The following RBFOX3 variants were observed in gnomAD, a reference collection of about 807,000 sequenced individuals.
The protein encoded by RBFOX3 is RNA binding protein fox-1 homolog 3.
In RBFOX3, 17 loss-of-function variants were observed where a neutral mutation model predicts 48.7. That is an observed-to-expected ratio of 0.35 (90% confidence interval 0.24 to 0.52). The LOEUF (loss-of-function observed/expected upper bound fraction) is 0.52, where lower values mean the gene tolerates loss of function less well. Among genes scored for constraint, RBFOX3 ranks in the 20% least tolerant of loss-of-function variants. RBFOX3 has a pLI of 0.94. For missense variants in RBFOX3, 382 were observed against 497.5 expected (o/e 0.77, Z 2.21); for synonymous variants, 212 against 209.5 (o/e 1.01, Z -0.10).
At chr17:79,184,087 C>G (rs2052869384) in intron 4 of RBFOX3, among the ~76,000 whole-genome samples, 1 of 148,636 alleles carries the variant, frequency 6.7e-6, no homozygotes, top group African/African-American at 2.5e-5. Flanking sequence ...TAAGGGAGGC[C>G]GGCTCAGTGG....
intron 14 of RBFOX3, 101 bp from the exon 15 acceptor site, chr17:79,090,986 T>C: frequency 8.7e-7 from 1 of 1,147,738 alleles, no homozygotes; most frequent in East Asian, 2.7e-5. Flanking sequence ...TGGCCTAAAG[T>C]CCTGGCGCCG....
intron 4 of RBFOX3, among the ~76,000 whole-genome samples, chr17:79,154,095 A>G (rs1477098195): frequency 1.3e-5 from 2 of 152,052 alleles, no homozygotes; most frequent in South Asian, 2.1e-4. Context: ...CCGGCCCCCA[A>G]GGCTCTGCTG....
chr17:79,094,547 A>C lies in RBFOX3; in HGVS notation c.999-18T>G. 6.5e-6 allele frequency: 1 copy of C among 153,470 alleles called. No individual in the cohort carries two copies. Among genetic ancestry groups the C allele is most frequent in the Non-Finnish European group, 8.9e-6 (1 of 112,732 alleles). 9.5% of individuals were successfully genotyped at this position (153,470 alleles called of 1,614,324 possible). On this transcript the variant is annotated intron_variant, in intron 13 of 14. Transcript: ENST00000693108. ...TGCCGTAACTAGGGAAGAGCGTGGG[A>C]GGGGGAGTGGGAGGAGGGTGGGGGA... is the stretch of plus-strand genomic sequence containing the variant.
chr17:79,491,110 A>G (rs1598917853), intron 1 of RBFOX3, among the ~76,000 whole-genome samples: 1 of 1,264 alleles, frequency 7.9e-4, no homozygotes, highest in Non-Finnish European at 1.3e-3. Context: ...AGGGGAGGAG[A>G]GGGGAGGGGA....
chr17:79,425,340 T>C (rs10445223), intron 2 of RBFOX3, among the ~76,000 whole-genome samples: 76,559 of 151,986 alleles, frequency 0.5, 19,405 homozygotes, highest in Non-Finnish European at 0.53. Flanking sequence ...GGGGAGGGCC[T>C]GGGGGGGCTT....
rs1165413452 is a variant in RBFOX3, at chr17:79,138,961, T to C, written c.-33-23213A>G. ...TTCACACCCCCCTCAGCCCCACACATGCACACAGCACATGCGTTCACACCC... is the reference window on the plus strand; with the variant it reads ...TTCACACCCCCCTCAGCCCCACACACGCACACAGCACATGCGTTCACACCC... On this transcript the variant is annotated intron_variant, in intron 4 of 14. Coordinates refer to ENST00000693108, the MANE Select transcript of RBFOX3 (RefSeq NM_001350451.2). Among the ~76,000 whole-genome samples, 358 of 63,608 alleles carry C rather than the reference T, an allele frequency of 5.6e-3. 1 individual carries two copies. Among genetic ancestry groups the C allele is most frequent in the African/African-American group, 0.022 (338 of 15,716 alleles). 41.7% of individuals were successfully genotyped at this position (63,608 alleles called of 152,430 possible).
chr17:79,389,620 C>T (rs939976011), intron 2 of RBFOX3, among the ~76,000 whole-genome samples: 2 of 152,240 alleles, frequency 1.3e-5, no homozygotes, highest in African/African-American at 4.8e-5. Flanking sequence ...CTTACCGACA[C>T]ATGACACATG....
chr17:79,288,654 A>G (rs1306655372), intron 3 of RBFOX3, among the ~76,000 whole-genome samples: 3 of 151,952 alleles, frequency 2.0e-5, no homozygotes, highest in Non-Finnish European at 2.9e-5. Context: ...CCCACACTCC[A>G]GCGAAATCCC....
chr17:79,439,671 T>C lies in RBFOX3; in HGVS notation c.-175+42783A>G, dbSNP rs191936972. On this transcript the variant is annotated intron_variant, in intron 2 of 14. Coordinates refer to ENST00000693108, the MANE Select transcript of RBFOX3 (RefSeq NM_001350451.2). The stretch of plus-strand genomic sequence containing the variant: ...ATGTATGTCCATGCATGTGCAAGCA[T>C]GATCGCATGTGCACACGTGCCTCTG... Among the ~76,000 whole-genome samples the C allele has an allele frequency of 1.6e-3, 244 of 152,368 alleles. 1 individual carries two copies. The highest frequency in any genetic ancestry group is 3.0e-3 in the Non-Finnish European group (203 of 68,034).
intron 1 of RBFOX3, among the ~76,000 whole-genome samples, chr17:79,498,578 C>T (rs538659083): frequency 1.3e-5 from 2 of 151,060 alleles, no homozygotes; most frequent in South Asian, 2.1e-4. Context: ...TCCTTCCCCC[C>T]ACCCCATCTA....
intron 2 of RBFOX3, among the ~76,000 whole-genome samples, chr17:79,367,850 A>G (rs1420097524): frequency 2.0e-5 from 3 of 152,184 alleles, no homozygotes; most frequent in Non-Finnish European, 4.4e-5. Context: ...CTGAAGGCAG[A>G]CACTGTGGAC....
rs144364102 is a variant in RBFOX3 at position 79,271,863 on chromosome 17, C to T, written c.-74+35861G>A. Reference sequence around the variant, plus strand: ...AGGACCTAGAGGCACAGGAGTTCCCCGGGGGCTCCCCATGGCTCCAAAGGG... The same window carrying T: ...AGGACCTAGAGGCACAGGAGTTCCCTGGGGGCTCCCCATGGCTCCAAAGGG... On this transcript the variant is annotated intron_variant, in intron 3 of 14. Coordinates refer to ENST00000693108, the MANE Select transcript of RBFOX3 (RefSeq NM_001350451.2). 1.3e-3 allele frequency among the ~76,000 whole-genome samples: 196 copies of T among 152,324 alleles called. 1 individual carries two copies. The highest frequency in any genetic ancestry group is 4.3e-3 in the African/African-American group (180 of 41,568).
chr17:79,363,841 T>A lies in RBFOX3; in HGVS notation c.-174-56017A>T, dbSNP rs2057350715. Among the ~76,000 whole-genome samples, 1 of 152,062 alleles carries A rather than the reference T, an allele frequency of 6.6e-6. No homozygotes were observed. Among genetic ancestry groups the A allele is most frequent in the Admixed American group, 6.5e-5 (1 of 15,274 alleles). ...CCCCACTCAGAACTCTCTGGGGCTG[T>A]CCACTGCACTGGGATAAAGCAGACG... On this transcript the variant is annotated intron_variant, in intron 2 of 14. Coordinates refer to ENST00000693108, the MANE Select transcript of RBFOX3 (RefSeq NM_001350451.2). The surrounding 1 kb of genome is among the most constrained non-coding windows in gnomAD (Gnocchi z 4.7).
rs1221700100 is a variant in RBFOX3, at chr17:79,204,579, C to G, written c.-34+31187G>C. On this transcript the variant is annotated intron_variant, in intron 4 of 14. Transcript: ENST00000693108. The surrounding 1 kb of genome is among the most constrained non-coding windows in gnomAD (Gnocchi z 4.5). ...GTCCGAAGGCCCCAGATGCTGTGAA[C>G]AGAGAACCCACTAGATGACTCTGTG... Among the ~76,000 whole-genome samples the G allele has an allele frequency of 6.6e-6, 1 of 152,128 alleles. No individual in the cohort carries two copies. Among genetic ancestry groups the G allele is most frequent in the Non-Finnish European group, 1.5e-5 (1 of 68,026 alleles).
chr17:79,552,706 T>C (rs2143692544), intron 1 of RBFOX3, among the ~76,000 whole-genome samples: 1 of 152,374 alleles, frequency 6.6e-6, no homozygotes, highest in Non-Finnish European at 1.5e-5. Context: ...GTAAAAAATG[T>C]TCTTCAGGAT....
chr17:79,594,801 G>T (rs2093524403), intron 1 of RBFOX3, among the ~76,000 whole-genome samples: 1 of 152,086 alleles, frequency 6.6e-6, no homozygotes, highest in Non-Finnish European at 1.5e-5. Context: ...GCCTTCCAGG[G>T]GCACCCCTGA....
At chr17:79,628,967 C>G in the RBFOX3 span, among the ~76,000 whole-genome samples, 4 of 152,220 alleles carry the variant, frequency 2.6e-5, no homozygotes, top group African/African-American at 9.7e-5. Flanking sequence ...ATCCACTTTG[C>G]TATTTGCCCA....
rs1462787433 is a variant in RBFOX3 at position 79,243,210 on chromosome 17, C to T, written c.-73-7405G>A. Among the ~76,000 whole-genome samples, 2 of 152,108 alleles carry T rather than the reference C, an allele frequency of 1.3e-5. No individual in the cohort carries two copies. The highest frequency in any genetic ancestry group is 6.5e-5 in the Admixed American group (1 of 15,268). On this transcript the variant is annotated intron_variant, in intron 3 of 14. Coordinates refer to ENST00000693108, the MANE Select transcript of RBFOX3 (RefSeq NM_001350451.2). The surrounding 1 kb of genome is among the most constrained non-coding windows in gnomAD (Gnocchi z 7.9). ...GTTGCAGCTGAGTTTGCGCGAGACC[C>T]ACCTGACCACAACCTTGTGCTTAGA...
chr17:79,496,917 G>A (rs2149681325), intron 1 of RBFOX3, among the ~76,000 whole-genome samples: 1 of 152,302 alleles, frequency 6.6e-6, no homozygotes, highest in South Asian at 2.1e-4. Flanking sequence ...AGTGATTTGG[G>A]TGTTACCTGT....
Sources: allele counts gnomAD v4.1 joint callset (sites outside exome capture counted in the v4.1 genomes callset), GRCh38; gene constraint gnomAD v4.1.1; non-coding constraint Gnocchi (gnomAD v3.1); transcripts MANE v1.5; gene names NCBI Gene and HGNC (gene_info 2026-07-23, HGNC 2026-07-21).